Variants in UBE2W observed in about 807,000 individuals in gnomAD.
UBE2W encodes the protein ubiquitin-conjugating enzyme E2 W.
Under a neutral mutation model 27.2 loss-of-function variants are expected in UBE2W, and 18 were observed. That is an observed-to-expected ratio of 0.66 (90% CI 0.46 to 0.98). UBE2W has a LOEUF of 0.98. Ranked by LOEUF, UBE2W falls within the 50% of genes least tolerant of loss-of-function variation. The pLI is 0.00. For missense variants in UBE2W, 90 were observed against 180.2 expected (o/e 0.50, Z 2.87); for synonymous variants, 53 against 57.2 (o/e 0.93, Z 0.33).
chr8:73,820,408 A>G (rs768386850), intron 3 of UBE2W, among the ~76,000 whole-genome samples: 4 of 152,186 alleles, frequency 2.6e-5, no homozygotes, highest in Non-Finnish European at 4.4e-5. Flanking sequence ...ATTAGAATAT[A>G]CAACCTCTAT....
intron 1 of UBE2W, among the ~76,000 whole-genome samples, chr8:73,868,342 A>ACC (rs1811863546): frequency 6.6e-6 from 1 of 152,114 alleles, no homozygotes; most frequent in Non-Finnish European, 1.5e-5. Flanking sequence ...ATAGCCACAT[A>ACC]CCCCACGGGG....
rs1249224167 is a variant in UBE2W, at chr8:73,835,256, T to C, written c.16-4784A>G. The stretch of plus-strand genomic sequence containing the variant: ...AGAAAAAAAAAAAAAAGTTTCTCCT[T>C]ACCCTTAGACTTCTTTCATCTCCAC... On this transcript the variant is annotated intron_variant, in intron 1 of 5. Coordinates refer to ENST00000602593, the MANE Select transcript of UBE2W (RefSeq NM_018299.6). Among the ~76,000 whole-genome samples the C allele has an allele frequency of 2.0e-5, 3 of 152,068 alleles. No homozygotes were observed. The East Asian group carries it at 5.8e-4, about 29-fold the overall frequency.
chr8:73,811,541 C>T (rs1303997965), intron 3 of UBE2W, among the ~76,000 whole-genome samples: 2 of 150,266 alleles, frequency 1.3e-5, no homozygotes, highest in Non-Finnish European at 2.9e-5. Flanking sequence ...GCAGTAATTC[C>T]TAATTCCTGA....
chr8:73,815,009 T>C (rs1454119501), intron 3 of UBE2W, among the ~76,000 whole-genome samples: 1 of 152,208 alleles, frequency 6.6e-6, no homozygotes, highest in African/African-American at 2.4e-5. Flanking sequence ...TTTTGGGTAC[T>C]GTGAATGTAG....
In UBE2W at chr8:73,818,368, G is replaced by A. The variant is rs186943175; in HGVS notation, c.210+6779C>T. On this transcript the variant is annotated intron_variant, in intron 3 of 5. Transcript: ENST00000602593. ...ATCTCTCACCTGGGTTACTTTAACGGCCTATCTGATCTCCCTGCACCTTTA... is the reference window on the plus strand; with the variant it reads ...ATCTCTCACCTGGGTTACTTTAACGACCTATCTGATCTCCCTGCACCTTTA... 8.5e-5 allele frequency among the ~76,000 whole-genome samples: 13 copies of A among 152,234 alleles called. No homozygotes were observed. The East Asian group carries it at 2.3e-3, about 27-fold the overall frequency.
In UBE2W at chr8:73,792,868, A is replaced by G; in HGVS notation, c.*1234T>C. On this transcript the variant is annotated 3_prime_UTR_variant, in exon 6 of 6. Transcript: ENST00000602593. The stretch of plus-strand genomic sequence containing the variant: ...AACAACAAAACAAAACCCTCCAGGA[A>G]AAACTATATGGCTGTGTGAGACAAA... The G allele has an allele frequency of 1.0e-6, 1 of 985,722 alleles. No individual in the cohort carries two copies. Among genetic ancestry groups the G allele is most frequent in the African/African-American group, 1.7e-5 (1 of 57,366 alleles). The allele number at this position is 985,722 out of a possible 1,614,324, so 61.1% of individuals were successfully genotyped here. A position where few individuals can be genotyped will look rare whatever the true frequency, so the allele number is the denominator to read the frequency against.
At chr8:73,826,827 T>G (rs931357423) in intron 2 of UBE2W, among the ~76,000 whole-genome samples, 3 of 152,240 alleles carry the variant, frequency 2.0e-5, no homozygotes, top group African/African-American at 7.2e-5. Flanking sequence ...GTTGGAAAGA[T>G]AAATGACCCT....
chr8:73,825,358 G>A, intron 2 of UBE2W, 109 bp from the exon 3 acceptor site: 1 of 693,948 alleles, frequency 1.4e-6, no homozygotes, highest in Non-Finnish European at 2.4e-6. Context: ...GACAAGAGTT[G>A]GTTATGTGTA....
At chr8:73,820,785 AAAC>A (rs1809580012) in intron 3 of UBE2W, among the ~76,000 whole-genome samples, 2 of 149,964 alleles carry the variant, frequency 1.3e-5, no homozygotes, top group African/African-American at 4.9e-5. Flanking sequence ...ACAAACAAAA[AAAC>A]AAAATAAAAA....
At chr8:73,783,957 G>T (rs1300724138), downstream of UBE2W, among the ~76,000 whole-genome samples, 1 of 151,918 alleles carries the variant, frequency 6.6e-6, no homozygotes, top group Non-Finnish European at 1.5e-5. Flanking sequence ...AGACAAGTTG[G>T]CTAGGCTGAT....
intron 1 of UBE2W, among the ~76,000 whole-genome samples, chr8:73,872,855 A>G (rs1812056249): frequency 6.6e-6 from 1 of 151,280 alleles, no homozygotes; most frequent in Non-Finnish European, 1.5e-5. Flanking sequence ...GAGTAAAATT[A>G]TAATTGTAAA....
Position 73,788,975 on chromosome 8 carries a change from A to G in UBE2W, c.*5127T>C. 3.1e-6 allele frequency: 3 copies of G among 983,082 alleles called. No homozygotes were observed. Among genetic ancestry groups the G allele is most frequent in the Non-Finnish European group, 3.6e-6 (3 of 827,898 alleles). 60.9% of individuals were successfully genotyped at this position (983,082 alleles called of 1,614,324 possible). On this transcript the variant is annotated 3_prime_UTR_variant, in exon 6 of 6. Transcript: ENST00000602593. ...TTTTATTAACAAAAAATTTTTCATA[A>G]AAAAATAGTCATTTAATCATTCTAG...
chr8:73,806,860 A>C (rs1808929701), intron 4 of UBE2W, among the ~76,000 whole-genome samples: 1 of 152,198 alleles, frequency 6.6e-6, no homozygotes, highest in Non-Finnish European at 1.5e-5. Context: ...TAAGAGAAAA[A>C]ATGGGAAAAA....
At chr8:73,877,224 T>C (rs1038202180) in intron 1 of UBE2W, among the ~76,000 whole-genome samples, 4 of 152,378 alleles carry the variant, frequency 2.6e-5, no homozygotes, top group Non-Finnish European at 5.9e-5. Context: ...AGTGGTAATG[T>C]AGCCTATTGC....
intron 1 of UBE2W, among the ~76,000 whole-genome samples, chr8:73,848,763 A>G (rs1219385752): frequency 6.6e-6 from 1 of 152,198 alleles, no homozygotes; most frequent in Non-Finnish European, 1.5e-5. Flanking sequence ...TTAGGAACGG[A>G]CATAAGGGAG....
chr8:73,844,216 C>T (rs1352610502), intron 1 of UBE2W, among the ~76,000 whole-genome samples: 1 of 128,810 alleles, frequency 7.8e-6, no homozygotes, highest in East Asian at 2.6e-4. Context: ...CTGGACTGTA[C>T]TGCCGCCATC....
At chr8:73,800,807 C>T (rs115886631) in intron 5 of UBE2W, among the ~76,000 whole-genome samples, 1 of 152,148 alleles carries the variant, frequency 6.6e-6, no homozygotes. Context: ...AAAATAACTT[C>T]TATTGGCTGG....
downstream of UBE2W, among the ~76,000 whole-genome samples, chr8:73,783,856 G>A (rs1031918104): frequency 5.9e-5 from 9 of 152,154 alleles, no homozygotes; most frequent in Non-Finnish European, 8.8e-5. Flanking sequence ...TCCGTCTCCT[G>A]GTTCAAGCAA....
chr8:73,815,377 A>AAAAAAAC (rs529739855), intron 3 of UBE2W, among the ~76,000 whole-genome samples: 152 of 152,296 alleles, frequency 1.0e-3, no homozygotes, highest in Non-Finnish European at 1.5e-3. Context: ...CTGTCTTGGA[A>AAAAAAAC]AAAAAACAAA....
Sources: gnomAD v4.1 joint callset for allele counts (sites outside exome capture counted in the v4.1 genomes callset) on GRCh38, gnomAD v4.1.1 for gene constraint, MANE v1.5 for transcripts, NCBI Gene and HGNC (gene_info 2026-07-23, HGNC 2026-07-21) for gene names.